Variants in PCSK6 observed in about 807,000 individuals in gnomAD.
PCSK6 encodes the protein proprotein convertase subtilisin/kexin type 6.
A neutral mutation model predicts 123.3 loss-of-function variants in PCSK6; 85 were observed. The observed-to-expected ratio is 0.69, with a 90% CI of 0.58 to 0.83. The LOEUF (loss-of-function observed/expected upper bound fraction) is 0.83, where lower values mean the gene tolerates loss of function less well. Ranked by LOEUF, PCSK6 falls within the 40% of genes least tolerant of loss-of-function variation. The pLI, the probability that PCSK6 is intolerant of heterozygous loss-of-function variation, is 0.00. For missense variants in PCSK6, 1,191 were observed against 1,282.3 expected, an observed-to-expected ratio of 0.93 and a Z score of 1.09; for synonymous variants, 508 against 516.0, an observed-to-expected ratio of 0.98 and a Z score of 0.21.
chr15:101,487,897 G>A (rs1328070774), intron 1 of PCSK6, among the ~76,000 whole-genome samples: 2 of 152,112 alleles, frequency 1.3e-5, no homozygotes, highest in East Asian at 3.9e-4. Flanking sequence ...ATATCTATAT[G>A]GATATACATG....
intron 17 of PCSK6, 96 bp from the exon 18 acceptor site, chr15:101,322,703 C>T (rs1198925372): frequency 7.0e-5 from 54 of 767,420 alleles, no homozygotes; most frequent in Non-Finnish European, 6.8e-5. Context: ...AGCGGGGGTG[C>T]GGGTGGGCTG....
At chr15:101,342,129 CAAAAAAAAA>C (rs35083182) in intron 13 of PCSK6, among the ~76,000 whole-genome samples, 1 of 51,522 alleles carries the variant, frequency 1.9e-5, no homozygotes, top group South Asian at 9.1e-4. Context: ...GACCCTGTCT[CAAAAAAAAA>C]AAAAAAAAAA....
rs115220192 is a variant in PCSK6, at chr15:101,451,474, G to A, written c.298-7814C>T. 8.9e-3 allele frequency among the ~76,000 whole-genome samples: 1,357 copies of A among 152,168 alleles called. 16 individuals carry two copies. Among genetic ancestry groups the A allele is most frequent in the African/African-American group, 0.028 (1,180 of 41,496 alleles). ...CCAGCCCAGCCAAACCCTTCCACAC[G>A]GGAACAGCTGATAAGCAGCCACAGA... On this transcript the variant is annotated intron_variant, in intron 1 of 21. Transcript: ENST00000611716.
chr15:101,443,555 C>T lies in PCSK6; in HGVS notation c.402+1G>A, dbSNP rs1222937356. 1 of 1,606,348 alleles carries T rather than the reference C, an allele frequency of 6.2e-7. No individual in the cohort carries two copies. Among genetic ancestry groups the T allele is most frequent in the Middle Eastern group, 1.7e-4 (1 of 6,054 alleles). ...TAGGAAAGCATCCGGACACTCTGTACCTGGGGGTCCATTCTGAGGAAGGTG... is the reference window on the plus strand; with the variant it reads ...TAGGAAAGCATCCGGACACTCTGTATCTGGGGGTCCATTCTGAGGAAGGTG... On this transcript the variant is annotated splice_donor_variant, in intron 2 of 21. Transcript: ENST00000611716. LOFTEE classifies it high-confidence loss of function.
intron 6 of PCSK6, among the ~76,000 whole-genome samples, chr15:101,404,842 C>G (rs1211845065): frequency 6.6e-6 from 1 of 152,200 alleles, no homozygotes. Flanking sequence ...TTCTGATGCT[C>G]TAAGTGGTGA....
chr15:101,315,987 A>G (rs1467340736), intron 19 of PCSK6, among the ~76,000 whole-genome samples: 1 of 152,184 alleles, frequency 6.6e-6, no homozygotes, highest in Non-Finnish European at 1.5e-5. Flanking sequence ...CCAAGCACTC[A>G]TGCCTGACTC....
At chr15:101,480,190 T>C (rs1248383310) in intron 1 of PCSK6, among the ~76,000 whole-genome samples, 1 of 152,166 alleles carries the variant, frequency 6.6e-6, no homozygotes, top group Non-Finnish European at 1.5e-5. Context: ...ACTGAGAAGA[T>C]GGATTTTCCC....
chr15:101,335,041 C>T (rs2040447992), intron 13 of PCSK6, among the ~76,000 whole-genome samples: 1 of 152,160 alleles, frequency 6.6e-6, no homozygotes, highest in Non-Finnish European at 1.5e-5. Flanking sequence ...CTCACTGCAG[C>T]CCCAACTTCC....
chr15:101,345,169 G>T (rs1429468205), intron 13 of PCSK6, among the ~76,000 whole-genome samples: 6 of 152,142 alleles, frequency 3.9e-5, no homozygotes, highest in African/African-American at 1.4e-4. Flanking sequence ...GCAAAAGCCG[G>T]ACCATGATTC....
At chr15:101,452,731 C>T (rs1269820895) in intron 1 of PCSK6, among the ~76,000 whole-genome samples, 1 of 152,154 alleles carries the variant, frequency 6.6e-6, no homozygotes, top group Admixed American at 6.5e-5. Context: ...AGTGAAGACA[C>T]AGGACATGGC....
rs577778486 is a variant in PCSK6, at chr15:101,324,468, C to G, written c.2377+382G>C. ...ATAGTCTTTCCTGGAGGAGAAATTA[C>G]AGCACAGACAGCAGGACCTCCTCTT... On this transcript the variant is annotated intron_variant, in intron 17 of 21. Transcript: ENST00000611716. 3.3e-5 allele frequency among the ~76,000 whole-genome samples: 5 copies of G among 152,328 alleles called. No individual in the cohort carries two copies. In the South Asian group the frequency reaches 8.3e-4, roughly 25 times the overall value.
At chr15:101,484,291 G>A (rs1176440999) in intron 1 of PCSK6, among the ~76,000 whole-genome samples, 3 of 152,174 alleles carry the variant, frequency 2.0e-5, no homozygotes, top group Non-Finnish European at 4.4e-5. Context: ...ACTAGAATTT[G>A]ATGCAGATCC....
At chr15:101,421,265 G>A (rs2056076916) in intron 6 of PCSK6, among the ~76,000 whole-genome samples, 1 of 152,112 alleles carries the variant, frequency 6.6e-6, no homozygotes, top group Admixed American at 6.5e-5. Flanking sequence ...GATATAATTT[G>A]GACAGTTCCT....
chr15:101,382,230 G>A, intron 10 of PCSK6, 21 bp from the exon 11 acceptor site: 3 of 1,558,554 alleles, frequency 1.9e-6, no homozygotes, highest in Non-Finnish European at 2.6e-6. Context: ...AGGCCCTTCA[G>A]AGCCAGGCTC....
chr15:101,359,546 C>G (rs1320113651), intron 13 of PCSK6, among the ~76,000 whole-genome samples: 1 of 152,258 alleles, frequency 6.6e-6, no homozygotes, highest in African/African-American at 2.4e-5. Context: ...GCAGGAGGCT[C>G]TCAGGGCACA....
rs776032721 is a variant in PCSK6 at position 101,384,366 on chromosome 15, T to G, written c.1370A>C (p.His457Pro). Reference sequence around the variant, plus strand: ...CACTTTCCAGTCGCTCGCTTTCAGGTGGGCCGGCCGGGATGTCTTCACTAG... The same window carrying G: ...CACTTTCCAGTCGCTCGCTTTCAGGGGGGCCGGCCGGGATGTCTTCACTAG... ...HLLVKTSRPA[H>P]LKASDWKVNG... The change falls in exon 10 of 22, where the codon CAC becomes CCC. Residue 457 changes from histidine (H) to proline (P), a missense_variant. Transcript: ENST00000611716. 18 of 1,613,776 alleles carry G rather than the reference T, an allele frequency of 1.1e-5. No homozygotes were observed. Among genetic ancestry groups the G allele is most frequent in the Non-Finnish European group, 1.2e-5 (14 of 1,179,860 alleles).
At chr15:101,375,195 C>T (rs1469257668) in intron 11 of PCSK6, among the ~76,000 whole-genome samples, 2 of 152,152 alleles carry the variant, frequency 1.3e-5, no homozygotes, top group Non-Finnish European at 2.9e-5. Context: ...TCAGGCGATC[C>T]GCCCGCCTCG....
At chr15:101,352,182 C>G (rs1339210898) in intron 13 of PCSK6, among the ~76,000 whole-genome samples, 1 of 118,800 alleles carries the variant, frequency 8.4e-6, no homozygotes, top group South Asian at 2.9e-4. Context: ...GGGTCTCACT[C>G]TGTCGCCCAG....
At chr15:101,357,341 C>A (rs2041072642) in intron 13 of PCSK6, among the ~76,000 whole-genome samples, 1 of 152,236 alleles carries the variant, frequency 6.6e-6, no homozygotes, top group Non-Finnish European at 1.5e-5. Flanking sequence ...CATACCTCGG[C>A]ATCGACGAGG....
Sources: gnomAD v4.1 joint callset for allele counts (sites outside exome capture counted in the v4.1 genomes callset) on GRCh38, gnomAD v4.1.1 for gene constraint, MANE v1.5 for transcripts, NCBI Gene and HGNC (gene_info 2026-07-23, HGNC 2026-07-21) for gene names.